Variants in CMSS1 observed in about 807,000 individuals in gnomAD.
CMSS1 encodes the protein protein CMSS1.
In CMSS1, 33 loss-of-function variants were observed where a neutral mutation model predicts 43.5. That is an observed-to-expected ratio of 0.76 (90% confidence interval 0.57 to 1.01). The LOEUF (loss-of-function observed/expected upper bound fraction) is 1.01. Ranked by LOEUF, CMSS1 falls within the 50% of genes least tolerant of loss-of-function variation. The probability of loss-of-function intolerance (pLI) is 0.00; values close to 1 mark genes in which losing one functional copy is unlikely to be tolerated. For synonymous variants in CMSS1, 115 were observed against 117.2 expected (o/e 0.98, Z 0.12); for missense variants, 313 against 326.4 (o/e 0.96, Z 0.32).
At chr3:99,958,441 A>G (rs548613852) in intron 1 of CMSS1, among the ~76,000 whole-genome samples, 2 of 152,176 alleles carry the variant, frequency 1.3e-5, no homozygotes, top group East Asian at 1.9e-4. Flanking sequence ...GCCCAGCAGG[A>G]AAGTGCTTAC....
chr3:99,948,718 A>T (rs1009277003), intron 1 of CMSS1, among the ~76,000 whole-genome samples: 1 of 151,032 alleles, frequency 6.6e-6, no homozygotes, highest in African/African-American at 2.4e-5. Flanking sequence ...GAGGAAGGGA[A>T]AGGGAAGTGG....
chr3:99,969,832 T>C (rs1338780089), intron 1 of CMSS1, among the ~76,000 whole-genome samples: 1 of 152,212 alleles, frequency 6.6e-6, no homozygotes, highest in East Asian at 1.9e-4. Context: ...AAGTCACTCA[T>C]TGTCACAAAG....
rs34413816 is a variant in CMSS1, at chr3:100,156,299, C to CTTT, written c.154-4106_154-4104dup. Reference sequence around the variant, plus strand: ...GCCACCACACTAGCTAATTTTTTTTCTTTTTTTTTTTTTTTTTTTTTTTTT... The same window carrying CTTT: ...GCCACCACACTAGCTAATTTTTTTTCTTTTTTTTTTTTTTTTTTTTTTTTTTTT... On this transcript the variant is annotated intron_variant, in intron 2 of 9. Transcript: ENST00000421999. 2.1e-3 allele frequency among the ~76,000 whole-genome samples: 152 copies of CTTT among 73,122 alleles called. 3 individuals carry two copies. The highest frequency in any genetic ancestry group is 2.2e-3 in the Non-Finnish European group (85 of 38,766). 48.0% of individuals were successfully genotyped at this position (73,122 alleles called of 152,430 possible).
At chr3:99,820,978 T>C (rs1241737192) in intron 1 of CMSS1, among the ~76,000 whole-genome samples, 1 of 152,218 alleles carries the variant, frequency 6.6e-6, no homozygotes, top group Non-Finnish European at 1.5e-5. Context: ...CCACTTGACA[T>C]CCATGGTAGC....
At chr3:99,849,162 A>C in intron 1 of CMSS1, 1 of 1,614,164 alleles carries the variant, frequency 6.2e-7, no homozygotes, top group African/African-American at 1.3e-5. Context: ...CCTCATCATT[A>C]GGGTCCTCGT....
At chr3:100,014,472 A>C (rs1487691033) in intron 1 of CMSS1, among the ~76,000 whole-genome samples, 1 of 152,086 alleles carries the variant, frequency 6.6e-6, no homozygotes. Flanking sequence ...AGTGTATAAG[A>C]GTTCCCTTTC....
chr3:100,137,307 C>T (rs976808983), intron 1 of CMSS1, among the ~76,000 whole-genome samples: 1 of 152,080 alleles, frequency 6.6e-6, no homozygotes, highest in African/African-American at 2.4e-5. Context: ...TAGAACTTCC[C>T]CCACAAAATG....
intron 2 of CMSS1, among the ~76,000 whole-genome samples, chr3:100,157,346 T>C (rs1481919466): frequency 6.6e-6 from 1 of 152,194 alleles, no homozygotes. Context: ...TATTTTGAGG[T>C]ACCATCCCAC....
At chr3:100,089,635 A>G (rs770044202) in intron 1 of CMSS1, among the ~76,000 whole-genome samples, 2 of 152,242 alleles carry the variant, frequency 1.3e-5, no homozygotes, top group Non-Finnish European at 1.5e-5. Flanking sequence ...ATGATATTTG[A>G]TAACTGAATC....
Position 99,856,098 on chromosome 3 carries a change from G to GCTGCTCTGCTCTGCT in CMSS1, c.64+38084_64+38098dup, listed in dbSNP as rs71130096. ...TGAACCTGTTGCTGCTGCTGCTCTTGCTGCTCTGCTCTGCTCTGCTCTGCT... is the reference window on the plus strand; with the variant it reads ...TGAACCTGTTGCTGCTGCTGCTCTTGCTGCTCTGCTCTGCTCTGCTCTGCTCTGCTCTGCTCTGCT... On this transcript the variant is annotated intron_variant, in intron 1 of 9. Transcript: ENST00000421999. Among the ~76,000 whole-genome samples, 186 of 151,352 alleles carry GCTGCTCTGCTCTGCT rather than the reference G, an allele frequency of 1.2e-3. 1 individual carries two copies. Among genetic ancestry groups the GCTGCTCTGCTCTGCT allele is most frequent in the South Asian group, 5.9e-3 (28 of 4,772 alleles).
chr3:100,162,361 T>C lies in CMSS1; in HGVS notation c.284T>C (p.Leu95Pro), dbSNP rs1281567541. The C allele has an allele frequency of 1.2e-6, 2 of 1,613,660 alleles. No individual in the cohort carries two copies. Among genetic ancestry groups the C allele is most frequent in the East Asian group, 4.5e-5 (2 of 44,868 alleles). ...SEPKPGLPED[L>P]QKLMKDYYSS... ...CCAAAACCAGGGTTACCTGAAGACC[T>C]ACAGAAGCTGATGAAGGACTATTAT... Residue 95 changes from leucine to proline, a missense_variant, in exon 4 of 10, where the codon CTA (leucine) becomes CCA (proline). Coordinates refer to ENST00000421999, the MANE Select transcript of CMSS1 (RefSeq NM_032359.4).
chr3:100,123,707 A>T (rs756921940), intron 1 of CMSS1, among the ~76,000 whole-genome samples: 1 of 152,212 alleles, frequency 6.6e-6, no homozygotes, highest in African/African-American at 2.4e-5. Flanking sequence ...CTAAAGGCCA[A>T]AAGCATTTCT....
intron 6 of CMSS1, among the ~76,000 whole-genome samples, chr3:100,170,949 A>T (rs1190870172): frequency 6.6e-6 from 1 of 152,198 alleles, no homozygotes; most frequent in Admixed American, 6.6e-5. Flanking sequence ...TTAAAATCAG[A>T]TTGCACATAT....
intron 1 of CMSS1, among the ~76,000 whole-genome samples, chr3:99,855,102 A>G (rs1284291853): frequency 3.3e-5 from 5 of 152,202 alleles, no homozygotes; most frequent in Non-Finnish European, 7.4e-5. Flanking sequence ...TACTGTTTGA[A>G]TATTAACTCT....
intron 1 of CMSS1, among the ~76,000 whole-genome samples, chr3:99,991,543 C>T (rs1303808441): frequency 1.3e-5 from 2 of 151,486 alleles, no homozygotes. Context: ...TTTAGTGTAC[C>T]CATCACCCAA....
chr3:100,135,453 TG>T, intron 1 of CMSS1, among the ~76,000 whole-genome samples: 1 of 146,384 alleles, frequency 6.8e-6, no homozygotes, highest in Non-Finnish European at 1.5e-5. Context: ...TGTGTGTGTG[TG>T]TGTGTGTGTG....
At chr3:100,129,177 T>C (rs1400532401) in intron 1 of CMSS1, among the ~76,000 whole-genome samples, 2 of 152,230 alleles carry the variant, frequency 1.3e-5, no homozygotes, top group African/African-American at 4.8e-5. Flanking sequence ...TGTCTGTCTT[T>C]CCTGCTATAT....
At chr3:99,929,713 G>A in intron 1 of CMSS1, 1 of 551,720 alleles carries the variant, frequency 1.8e-6, no homozygotes, top group Non-Finnish European at 3.0e-6. Flanking sequence ...TATTGAACTT[G>A]TCGTATTTAT....
At chr3:99,848,613 T>C in intron 1 of CMSS1, 1 of 1,614,164 alleles carries the variant, frequency 6.2e-7, no homozygotes, top group Non-Finnish European at 8.5e-7. Context: ...TTTCTGTTGG[T>C]TCTGGGGAGC....
Sources: gnomAD v4.1 joint callset for allele counts (sites outside exome capture counted in the v4.1 genomes callset) on GRCh38, gnomAD v4.1.1 for gene constraint, MANE v1.5 for transcripts, NCBI Gene and HGNC (gene_info 2026-07-23, HGNC 2026-07-21) for gene names.